ITGBL1: variants seen among roughly 807,000 people sequenced by gnomAD.
ITGBL1 encodes the protein integrin beta-like protein 1.
ITGBL1 carries 51 observed loss-of-function variants against 68.5 expected under a neutral mutation model. That is an observed-to-expected ratio of 0.74 (90% CI 0.59 to 0.94). The LOEUF (loss-of-function observed/expected upper bound fraction) is 0.94, where lower values mean the gene tolerates loss of function less well. Among genes scored for constraint, ITGBL1 ranks in the 40% least tolerant of loss-of-function variants. ITGBL1 has a pLI of 0.00. For missense variants in ITGBL1, 649 were observed against 647.4 expected (o/e 1.00, Z -0.03); for synonymous variants, 209 against 227.3 (o/e 0.92, Z 0.72).
chr13:101,661,035 G>A (rs1371905842), intron 7 of ITGBL1, among the ~76,000 whole-genome samples: 1 of 151,752 alleles, frequency 6.6e-6, no homozygotes, highest in Non-Finnish European at 1.5e-5. Flanking sequence ...ACAGGACTAA[G>A]GAAACAACAA....
intron 7 of ITGBL1, among the ~76,000 whole-genome samples, chr13:101,613,936 T>C (rs373702864): frequency 6.6e-5 from 10 of 152,018 alleles, no homozygotes; most frequent in African/African-American, 2.4e-4. Flanking sequence ...TACTTCCCAC[T>C]GAGCAAACAG....
chr13:101,705,715 C>A (rs748562675), intron 8 of ITGBL1, among the ~76,000 whole-genome samples: 6 of 152,096 alleles, frequency 3.9e-5, no homozygotes, highest in African/African-American at 7.2e-5. Flanking sequence ...GCAGATGGAG[C>A]AAGGTTCACT....
chr13:101,661,131 A>AG (rs201231865), intron 7 of ITGBL1, among the ~76,000 whole-genome samples: 428 of 151,808 alleles, frequency 2.8e-3, no homozygotes, highest in Middle Eastern at 0.01. Context: ...AACATAGTAA[A>AG]AAAAAAAATG....
intron 2 of ITGBL1, among the ~76,000 whole-genome samples, chr13:101,467,216 C>T (rs2048393954): frequency 6.6e-6 from 1 of 152,162 alleles, no homozygotes. Context: ...ATATTTATAT[C>T]ATAGCAGCCG....
At chr13:101,662,860 G>C (rs1356082560) in intron 7 of ITGBL1, among the ~76,000 whole-genome samples, 4 of 151,780 alleles carry the variant, frequency 2.6e-5, no homozygotes, top group Admixed American at 1.3e-4. Context: ...CACAGTGTCT[G>C]AACTATTTCC....
chr13:101,711,099 T>C (rs1476577417), intron 9 of ITGBL1: 1 of 152,186 alleles, frequency 6.6e-6, no homozygotes, highest in Non-Finnish European at 1.5e-5. Context: ...CAGTGCCGGG[T>C]CTTCCCTAAG....
chr13:101,453,784 T>A (rs2048196307), intron 1 of ITGBL1, 99 bp from the exon 2 acceptor site: 2 of 721,430 alleles, frequency 2.8e-6, no homozygotes, highest in Non-Finnish European at 3.8e-6. Context: ...GGGTTGTACG[T>A]CTGCACCTGG....
chr13:101,691,054 A>G (rs775729726), intron 7 of ITGBL1, among the ~76,000 whole-genome samples: 2 of 152,168 alleles, frequency 1.3e-5, no homozygotes, highest in Admixed American at 6.5e-5. Flanking sequence ...CTGAGCTTCA[A>G]GGCTCCCAGA....
At chr13:101,674,885 T>C (rs1487489164) in intron 7 of ITGBL1, among the ~76,000 whole-genome samples, 3 of 152,112 alleles carry the variant, frequency 2.0e-5, no homozygotes, top group Non-Finnish European at 4.4e-5. Flanking sequence ...TTTGTTTTTC[T>C]TTATTTGCTT....
chr13:101,708,799 G>C (rs1395862434), intron 9 of ITGBL1, among the ~76,000 whole-genome samples: 2 of 152,228 alleles, frequency 1.3e-5, no homozygotes, highest in Non-Finnish European at 2.9e-5. Context: ...TATTTACAAT[G>C]CTCAGGCAAG....
intron 3 of ITGBL1, among the ~76,000 whole-genome samples, chr13:101,572,232 T>G (rs1440585324): frequency 6.6e-6 from 1 of 152,128 alleles, no homozygotes; most frequent in East Asian, 1.9e-4. Flanking sequence ...CTATTAATCC[T>G]TCCCTTTCAT....
At chr13:101,461,614 G>A (rs1337513716) in intron 2 of ITGBL1, among the ~76,000 whole-genome samples, 1 of 152,146 alleles carries the variant, frequency 6.6e-6, no homozygotes, top group African/African-American at 2.4e-5. Context: ...AGGCTCATTT[G>A]AGCATGGGAG....
At chr13:101,473,079 T>C (rs1468606606) in intron 2 of ITGBL1, among the ~76,000 whole-genome samples, 1 of 152,178 alleles carries the variant, frequency 6.6e-6, no homozygotes, top group Non-Finnish European at 1.5e-5. Flanking sequence ...ATGTGATTCT[T>C]GAGAGGGAAG....
chr13:101,474,598 T>C (rs2048509242), intron 2 of ITGBL1, among the ~76,000 whole-genome samples: 1 of 152,148 alleles, frequency 6.6e-6, no homozygotes, highest in Admixed American at 6.5e-5. Flanking sequence ...GGCAGTGTGG[T>C]TGCTATGAGC....
intron 7 of ITGBL1, among the ~76,000 whole-genome samples, chr13:101,631,718 C>T (rs1412628278): frequency 6.6e-6 from 1 of 152,028 alleles, no homozygotes; most frequent in Admixed American, 6.6e-5. Flanking sequence ...AAATTTTGCT[C>T]CATTATTTTA....
intron 7 of ITGBL1, among the ~76,000 whole-genome samples, chr13:101,605,942 G>A (rs1448605562): frequency 6.8e-6 from 1 of 147,128 alleles, no homozygotes; most frequent in East Asian, 2.0e-4. Context: ...ATGCGTGTAT[G>A]TGTATATATA....
At chr13:101,598,559 A>G (rs555556029) in intron 7 of ITGBL1, among the ~76,000 whole-genome samples, 3 of 152,026 alleles carry the variant, frequency 2.0e-5, no homozygotes, top group Non-Finnish European at 4.4e-5. Context: ...AGCATTAGGT[A>G]TATCTCCTAA....
chr13:101,645,507 T>A (rs542103252), intron 7 of ITGBL1, among the ~76,000 whole-genome samples: 9 of 151,150 alleles, frequency 6.0e-5, no homozygotes, highest in African/African-American at 2.0e-4. Context: ...AAAAAAAAAA[T>A]TTGTCTCTAA....
At chr13:101,675,474 C>T (rs1311442809) in intron 7 of ITGBL1, among the ~76,000 whole-genome samples, 1 of 152,118 alleles carries the variant, frequency 6.6e-6, no homozygotes, top group Non-Finnish European at 1.5e-5. Context: ...CTTCCAAGGG[C>T]GTCTTTCCTT....
Sources: allele counts gnomAD v4.1 joint callset (sites outside exome capture counted in the v4.1 genomes callset), GRCh38; gene constraint gnomAD v4.1.1; transcripts MANE v1.5; gene names NCBI Gene and HGNC (gene_info 2026-07-23, HGNC 2026-07-21).